The following MT1F variants were observed in gnomAD, a reference collection of about 807,000 sequenced individuals.
The protein encoded by MT1F is metallothionein 1F.
MT1F carries 6 observed loss-of-function variants against 5.4 expected under a neutral mutation model. The ratio of observed to expected loss-of-function variants is 1.11; its 90% CI spans 0.61 to 2.19. The LOEUF is 2.19. Among genes scored for constraint, MT1F ranks in the 30% most tolerant of loss-of-function variants. MT1F has a pLI of 0.00. For missense variants in MT1F, 82 were observed against 77.0 expected, an observed-to-expected ratio of 1.07 and a Z score of -0.24; for synonymous variants, 28 against 28.3, an observed-to-expected ratio of 0.99 and a Z score of 0.04.
intron 2 of MT1F, 131 bp from the exon 3 acceptor site, chr16:56,658,942 T>C (rs1461777335): frequency 7.5e-6 from 8 of 1,059,908 alleles, no homozygotes; most frequent in Non-Finnish European, 1.2e-5. Flanking sequence ...TTCCCAGTTG[T>C]CTCCTGACAA....
intron 2 of MT1F, 38 bp downstream of exon 2, chr16:56,658,778 C>G (rs775117792): frequency 1.2e-6 from 2 of 1,612,916 alleles, no homozygotes; most frequent in Non-Finnish European, 1.7e-6. Flanking sequence ...GGGGCTGTGG[C>G]TAAGGTTGGG....
chr16:56,658,306 C>T (rs2291956), intron 1 of MT1F: 79,725 of 609,082 alleles, frequency 0.13, 5,687 homozygotes, highest in African/African-American at 0.22. Flanking sequence ...TGTCCTGCTC[C>T]ACGTCATGCG....
At chr16:56,658,411 T>A in intron 1 of MT1F, 1 of 591,814 alleles carries the variant, frequency 1.7e-6, no homozygotes, top group South Asian at 2.1e-5. Flanking sequence ...CTCTTCGGGG[T>A]TCAGGACAGA....
chr16:56,658,121 C>A, intron 1 of MT1F, 35 bp downstream of exon 1: 1 of 1,612,318 alleles, frequency 6.2e-7, no homozygotes, highest in African/African-American at 1.3e-5. Flanking sequence ...TGGGGATGCT[C>A]GATTCCCAGA....
chr16:56,658,289 T>C (rs1354682087), intron 1 of MT1F: 2 of 637,052 alleles, frequency 3.1e-6, no homozygotes, highest in East Asian at 5.6e-5. Context: ...GTACTGAGGC[T>C]CAAGGCTGTC....
At chr16:56,658,603 A>C in intron 1 of MT1F, 72 bp from the exon 2 acceptor site, 1 of 1,486,110 alleles carries the variant, frequency 6.7e-7, no homozygotes, top group South Asian at 1.1e-5. Flanking sequence ...GGCAATGGAG[A>C]CTCATTAACT....
chr16:56,658,356 C>A (rs1419780819), intron 1 of MT1F: 16 of 585,280 alleles, frequency 2.7e-5, no homozygotes, highest in Non-Finnish European at 4.9e-5. Flanking sequence ...AGTGCTCTGA[C>A]CAGGCTTTGA....
chr16:56,659,054 T>C lies in MT1F; in HGVS notation c.95-19T>C. On this transcript the variant is annotated intron_variant, in intron 2 of 2. Transcript: ENST00000334350. ...TGGGCAAGTTGGCTGTGACCTCTCA[T>C]GCTCCTCTTCTTCCCCAGGCTGCTG... 1 of 1,611,514 alleles carries C rather than the reference T, an allele frequency of 6.2e-7. No individual in the cohort carries two copies. The highest frequency in any genetic ancestry group is 8.5e-7 in the Non-Finnish European group (1 of 1,178,382).
chr16:56,658,796 C>T, intron 2 of MT1F, 56 bp downstream of exon 2: 2 of 1,601,624 alleles, frequency 1.2e-6, no homozygotes, highest in Non-Finnish European at 8.6e-7. Flanking sequence ...GGGATGGAAC[C>T]CAAGGCTGGC....
At position 56,657,973 on chromosome 16, in the gene MT1F, C is replaced by A; in HGVS notation, c.-86C>A. ...CTCCCCTGACTATCAAAGCAGCGGC[C>A]GGCTGTTGGGGTCCACCACGCCTTC... On this transcript the variant is annotated 5_prime_UTR_variant, in exon 1 of 3. Transcript: ENST00000334350. 1.4e-6 allele frequency: 2 copies of A among 1,415,896 alleles called. No homozygotes were observed. The allele number at this position is 1,415,896 out of a possible 1,614,324, so 87.7% of individuals were successfully genotyped here.
rs1960662122 is a variant in MT1F, at chr16:56,659,201, G to A, written c.*37G>A. 3 of 1,606,498 alleles carry A rather than the reference G, an allele frequency of 1.9e-6. No individual in the cohort carries two copies. Among genetic ancestry groups the A allele is most frequent in the Non-Finnish European group, 2.6e-6 (3 of 1,174,338 alleles). On this transcript the variant is annotated 3_prime_UTR_variant, in exon 3 of 3. Transcript: ENST00000334350. ...CCTTTCTCCCAGATGTAAACAGAGA[G>A]ACATGTACAAACCTGGATTTTTTTT... is the stretch of plus-strand genomic sequence containing the variant.
rs764665210 is a variant in MT1F, at chr16:56,658,096, G to T, written c.28+10G>T. 6.2e-7 allele frequency: 1 copy of T among 1,614,076 alleles called. No homozygotes were observed. ...TGCTCCTGCGCCGCTGGTAAGGAAC[G>T]CCGGGTTCCGTGCCTGGGGATGCTC... On this transcript the variant is annotated intron_variant, in intron 1 of 2. Coordinates refer to ENST00000334350, the MANE Select transcript of MT1F (RefSeq NM_005949.4).
At position 56,659,227 on chromosome 16, in the gene MT1F, T is replaced by G. The variant is rs545591247; in HGVS notation, c.*63T>G. The stretch of plus-strand genomic sequence containing the variant: ...ACATGTACAAACCTGGATTTTTTTT[T>G]TATACCACCTTGACCCATTTGCTAC... On this transcript the variant is annotated 3_prime_UTR_variant, in exon 3 of 3. Transcript: ENST00000334350. 1.5e-4 allele frequency: 225 copies of G among 1,522,252 alleles called. No homozygotes were observed. The highest frequency in any genetic ancestry group is 1.9e-4 in the Non-Finnish European group (213 of 1,101,388). 94.3% of individuals were successfully genotyped at this position (1,522,252 alleles called of 1,614,324 possible).
intron 1 of MT1F, chr16:56,658,317 G>A: frequency 1.7e-6 from 1 of 602,216 alleles, no homozygotes. Context: ...ACGTCATGCG[G>A]TTTGTCCCAG....
chr16:56,658,028 C>A lies in MT1F; in HGVS notation c.-31C>A. 1 of 1,613,356 alleles carries A rather than the reference C, an allele frequency of 6.2e-7. No individual in the cohort carries two copies. Among genetic ancestry groups the A allele is most frequent in the South Asian group, 1.1e-5 (1 of 91,060 alleles). On this transcript the variant is annotated 5_prime_UTR_variant, in exon 1 of 3. Coordinates refer to ENST00000334350, the MANE Select transcript of MT1F (RefSeq NM_005949.4). The stretch of plus-strand genomic sequence containing the variant: ...TGCCCCACTGCTTCTTCGCTTCTCT[C>A]TTGGAAAGTCCAGTCTCTCCTCGGC...
Position 56,658,695 on chromosome 16 carries a change from G to C in MT1F, c.49G>C (p.Gly17Arg), listed in dbSNP as rs757152569. 7 of 1,614,076 alleles carry C rather than the reference G, an allele frequency of 4.3e-6. No homozygotes were observed. The highest frequency in any genetic ancestry group is 5.1e-6 in the Non-Finnish European group (6 of 1,180,040). The change falls in exon 2 of 3, where the codon GGT becomes CGT. Residue 17 changes from glycine (G) to arginine (R), a missense_variant. By Grantham distance (125) the Gly-to-Arg change is moderately radical (BLOSUM62 -2). Transcript: ENST00000334350. ...CGCAGGTGTCTCCTGCACCTGCGCT[G>C]GTTCCTGCAAGTGCAAAGAGTGCAA... is the stretch of plus-strand genomic sequence containing the variant. ...CAAGVSCTCAGSCKCKECKCT... is the reference protein window; with the variant it reads ...CAAGVSCTCARSCKCKECKCT...
Position 56,659,266 on chromosome 16 carries a change from T to C in MT1F, c.*102T>C. On this transcript the variant is annotated 3_prime_UTR_variant, in exon 3 of 3. Transcript: ENST00000334350. ...CCCATTTGCTACATTCCTTTTCCTG[T>C]GAAATATGTGAGTGATAATTAAACA... The C allele has an allele frequency of 5.5e-6, 6 of 1,093,198 alleles. No homozygotes were observed. The highest frequency in any genetic ancestry group is 8.2e-6 in the Non-Finnish European group (6 of 733,150). 67.7% of individuals were successfully genotyped at this position (1,093,198 alleles called of 1,614,324 possible).
chr16:56,658,945 C>T, intron 2 of MT1F, 128 bp from the exon 3 acceptor site: 1 of 1,069,402 alleles, frequency 9.4e-7, no homozygotes, highest in Non-Finnish European at 1.4e-6. Flanking sequence ...CCAGTTGTCT[C>T]CTGACAAAGC....
intron 2 of MT1F, 42 bp from the exon 3 acceptor site, chr16:56,659,031 G>A: frequency 6.4e-7 from 1 of 1,570,398 alleles, no homozygotes; most frequent in South Asian, 1.1e-5. Context: ...GAGGTCCCTG[G>A]GCAAGTTGGC....
Sources: gnomAD v4.1 joint callset for allele counts on GRCh38, gnomAD v4.1.1 for gene constraint, MANE v1.5 for transcripts, NCBI Gene and HGNC (gene_info 2026-07-23, HGNC 2026-07-21) for gene names.